Variants in DPYD observed in about 807,000 individuals in gnomAD.
The protein encoded by DPYD is dihydropyrimidine dehydrogenase, also known as dihydropyrimidine dehydrogenase [NADP(+)].
A neutral mutation model predicts 116.2 loss-of-function variants in DPYD; 109 were observed. That is an observed-to-expected ratio of 0.94 (90% CI 0.80 to 1.10). The LOEUF (loss-of-function observed/expected upper bound fraction) is 1.10. Among genes scored for constraint, DPYD ranks in the 50% least tolerant of loss-of-function variants. The pLI is 0.00. For missense variants in DPYD, 1,302 were observed against 1,254.5 expected (o/e 1.04, Z -0.57); for synonymous variants, 440 against 432.0 (o/e 1.02, Z -0.23).
intron 3 of DPYD, among the ~76,000 whole-genome samples, chr1:97,820,826 T>C (rs977154215): frequency 3.3e-5 from 5 of 152,202 alleles, no homozygotes; most frequent in Admixed American, 1.3e-4. Flanking sequence ...AAAAATAATT[T>C]GTATTCTTGC....
chr1:97,671,264 G>C (rs1469441291), intron 8 of DPYD, among the ~76,000 whole-genome samples: 1 of 151,960 alleles, frequency 6.6e-6, no homozygotes, highest in African/African-American at 2.4e-5. Flanking sequence ...TCTACGAGTA[G>C]AAAAAGCCAT....
intron 4 of DPYD, among the ~76,000 whole-genome samples, chr1:97,728,361 T>G (rs547057695): frequency 4.1e-4 from 63 of 152,144 alleles, no homozygotes; most frequent in Non-Finnish European, 7.8e-4. Flanking sequence ...ATAATTTAAT[T>G]TCTATACTTT....
At chr1:97,912,350 T>C (rs935206424) in intron 1 of DPYD, among the ~76,000 whole-genome samples, 3 of 152,116 alleles carry the variant, frequency 2.0e-5, no homozygotes, top group Admixed American at 1.3e-4. Flanking sequence ...TGTATGATAA[T>C]AAGAGAGAGG....
intron 18 of DPYD, among the ~76,000 whole-genome samples, chr1:97,241,411 C>A (rs534647893): frequency 6.6e-6 from 1 of 151,920 alleles, no homozygotes; most frequent in Non-Finnish European, 1.5e-5. Flanking sequence ...GCTGTCCTCT[C>A]TATTTTGTAC....
chr1:97,836,241 G>A (rs1450860919), intron 2 of DPYD, among the ~76,000 whole-genome samples: 2 of 152,050 alleles, frequency 1.3e-5, no homozygotes, highest in African/African-American at 4.8e-5. Context: ...CTCAATTTTG[G>A]ATGGTTAATT....
At chr1:97,913,517 A>T (rs1288628789) in intron 1 of DPYD, among the ~76,000 whole-genome samples, 1 of 152,148 alleles carries the variant, frequency 6.6e-6, no homozygotes, top group Non-Finnish European at 1.5e-5. Context: ...ATAGAGCAAA[A>T]TTATCCCCAG....
chr1:97,467,891 C>A (rs113635742), intron 13 of DPYD, among the ~76,000 whole-genome samples: 15 of 152,144 alleles, frequency 9.9e-5, no homozygotes, highest in African/African-American at 3.6e-4. Flanking sequence ...TTCTGGAGTG[C>A]AAAAGAAGGG....
intron 5 of DPYD, among the ~76,000 whole-genome samples, chr1:97,699,933 AT>A (rs777348673): frequency 6.6e-6 from 1 of 152,132 alleles, no homozygotes; most frequent in Non-Finnish European, 1.5e-5. Flanking sequence ...AACATGTCAC[AT>A]GTAAACACAT....
intron 3 of DPYD, among the ~76,000 whole-genome samples, chr1:97,804,450 T>C (rs572825586): frequency 6.6e-6 from 1 of 151,870 alleles, no homozygotes; most frequent in Non-Finnish European, 1.5e-5. Flanking sequence ...GATGTTAAGA[T>C]GCTATACAAT....
intron 10 of DPYD, among the ~76,000 whole-genome samples, chr1:97,587,956 CA>C (rs970957739): frequency 6.6e-6 from 1 of 151,674 alleles, no homozygotes; most frequent in Non-Finnish European, 1.5e-5. Flanking sequence ...TAGGTCATGC[CA>C]CAAAAATGAT....
intron 11 of DPYD, among the ~76,000 whole-genome samples, chr1:97,571,142 T>A (rs1189789867): frequency 6.6e-6 from 1 of 151,830 alleles, no homozygotes; most frequent in Non-Finnish European, 1.5e-5. Context: ...ATAAATACGA[T>A]AAGGAGAGAA....
At chr1:97,270,115 G>A (rs1289058929) in intron 18 of DPYD, among the ~76,000 whole-genome samples, 1 of 152,062 alleles carries the variant, frequency 6.6e-6, no homozygotes, top group East Asian at 1.9e-4. Context: ...CCAGCAGAGT[G>A]GCATATAGAA....
intron 15 of DPYD, among the ~76,000 whole-genome samples, chr1:97,377,820 G>C (rs1171807675): frequency 1.3e-5 from 2 of 152,204 alleles, no homozygotes; most frequent in African/African-American, 4.8e-5. Context: ...AGTGTGGGAT[G>C]TCACAGCCTA....
intron 12 of DPYD, among the ~76,000 whole-genome samples, chr1:97,547,330 C>A (rs923831517): frequency 6.6e-6 from 1 of 152,092 alleles, no homozygotes; most frequent in African/African-American, 2.4e-5. Context: ...AAGTAGGGAA[C>A]CATCCACTCC....
intron 8 of DPYD, among the ~76,000 whole-genome samples, chr1:97,622,987 A>G (rs1309221724): frequency 2.0e-5 from 3 of 152,070 alleles, no homozygotes; most frequent in African/African-American, 7.2e-5. Context: ...ATGATACTGA[A>G]GGGCAAAACA....
chr1:97,224,314 G>C (rs940313746), intron 19 of DPYD, among the ~76,000 whole-genome samples: 1 of 151,940 alleles, frequency 6.6e-6, no homozygotes, highest in African/African-American at 2.4e-5. Flanking sequence ...AAATGATCTG[G>C]AGTACCCAGA....
intron 20 of DPYD, among the ~76,000 whole-genome samples, chr1:97,173,251 T>C (rs1037353141): frequency 4.7e-5 from 7 of 148,004 alleles, no homozygotes; most frequent in Non-Finnish European, 5.9e-5. Flanking sequence ...TATATGTACA[T>C]ATATGCACAC....
At chr1:97,615,307 T>A (rs1239612825) in intron 8 of DPYD, among the ~76,000 whole-genome samples, 1 of 152,152 alleles carries the variant, frequency 6.6e-6, no homozygotes, top group Non-Finnish European at 1.5e-5. Context: ...TTTTGAACTA[T>A]GAGATGATCA....
chr1:97,721,655 G>A lies in DPYD; in HGVS notation c.338C>T (p.Ala113Val). Residue 113 changes from alanine (A) to valine (V), a missense_variant, in exon 5 of 23, where the codon GCT becomes GTT. Ala to Val is a moderately conservative substitution (Grantham distance 64). Coordinates refer to ENST00000370192, the MANE Select transcript of DPYD (RefSeq NM_000110.4). Reference sequence around the variant, plus strand: ...TGGGTTGTCAGAAAATATCATCTTAGCAGCTCCATAATAGTTCTGCAAAAT... The same window carrying A: ...TGGGTTGTCAGAAAATATCATCTTAACAGCTCCATAATAGTTCTGCAAAAT... The part of the protein sequence containing the change: ...SIANKNYYGA[A>V]KMIFSDNPLG... 3 of 1,611,104 alleles carry A rather than the reference G, an allele frequency of 1.9e-6. No individual in the cohort carries two copies. The highest frequency in any genetic ancestry group is 1.3e-5 in the African/African-American group (1 of 74,818).
Sources: allele counts gnomAD v4.1 joint callset (sites outside exome capture counted in the v4.1 genomes callset), GRCh38; gene constraint gnomAD v4.1.1; transcripts MANE v1.5; gene names NCBI Gene and HGNC (gene_info 2026-07-23, HGNC 2026-07-21).